Variants in HIF3A observed in about 807,000 individuals in gnomAD.
The protein encoded by HIF3A is hypoxia-inducible factor 3-alpha.
In HIF3A, 41 loss-of-function variants were observed where a neutral mutation model predicts 67.2. The observed-to-expected ratio is 0.61, with a 90% CI of 0.48 to 0.79. The LOEUF (loss-of-function observed/expected upper bound fraction) is 0.79. HIF3A is among the 30% of genes least tolerant of loss of function. The pLI is 0.00. For missense variants in HIF3A, 855 were observed against 898.0 expected (o/e 0.95, Z 0.61); for synonymous variants, 356 against 374.8 (o/e 0.95, Z 0.58).
chr19:46,298,433 A>C, intron 1 of HIF3A: 1 of 1,287,518 alleles, frequency 7.8e-7, no homozygotes. Flanking sequence ...CCCACTCGTA[A>C]CTCGCACCCG....
intron 14 of HIF3A, among the ~76,000 whole-genome samples, chr19:46,339,300 G>T (rs868401040): frequency 6.6e-6 from 1 of 152,086 alleles, no homozygotes; most frequent in Non-Finnish European, 1.5e-5. Context: ...CAAGACTTGC[G>T]TCAAAAATAA....
intron 1 of HIF3A, 38 bp from the exon 2 acceptor site, chr19:46,303,860 C>T (rs758588946): frequency 2.5e-5 from 39 of 1,587,916 alleles, no homozygotes; most frequent in African/African-American, 1.5e-4. Flanking sequence ...TTTTCTCTTT[C>T]CCGAGTCACC....
intron 3 of HIF3A, 38 bp downstream of exon 3, chr19:46,305,428 T>C (rs1467860051): frequency 6.3e-7 from 1 of 1,597,440 alleles, no homozygotes; most frequent in Non-Finnish European, 8.6e-7. Flanking sequence ...GGCCCTGTAC[T>C]GGTGATGCTG....
intron 2 of HIF3A, 180 bp downstream of exon 2, chr19:46,304,268 C>G (rs553388162): frequency 6.6e-6 from 4 of 603,632 alleles, no homozygotes; most frequent in East Asian, 2.8e-5. Context: ...GGCCCCGCCC[C>G]CTTTGAGTTC....
intron 9 of HIF3A, 129 bp from the exon 10 acceptor site, chr19:46,321,647 T>A (rs10411556): frequency 0.81 from 640,568 of 793,568 alleles, 261,828 homozygotes; most frequent in African/African-American, 0.87. Context: ...CCTTACCCTC[T>A]CACTAAGAAC....
chr19:46,341,458 C>A lies in HIF3A; in HGVS notation c.*1836C>A, dbSNP rs567233762. On this transcript the variant is annotated 3_prime_UTR_variant, in exon 15 of 15. Coordinates refer to ENST00000377670, the MANE Select transcript of HIF3A (RefSeq NM_152795.4). Reference sequence around the variant, plus strand: ...CAACTGATCCACCCGCCTCAGCCTCCCAAAGTGCTGAAATTACAGGAGTGA... The same window carrying A: ...CAACTGATCCACCCGCCTCAGCCTCACAAAGTGCTGAAATTACAGGAGTGA... The A allele has an allele frequency of 4.6e-5, 7 of 152,116 alleles. No individual in the cohort carries two copies. The South Asian group carries it at 1.5e-3, about 32-fold the overall frequency. The allele number at this position is 152,116 out of a possible 1,614,324, so 9.4% of individuals were successfully genotyped here. A position where few individuals can be genotyped will look rare whatever the true frequency, so the allele number is the denominator to read the frequency against.
chr19:46,298,374 C>A, intron 1 of HIF3A: 1 of 1,280,718 alleles, frequency 7.8e-7, no homozygotes, highest in Non-Finnish European at 1.0e-6. Context: ...CCCCCCCTCC[C>A]CACCCAAGGC....
At chr19:46,304,249 C>A in intron 2 of HIF3A, 161 bp downstream of exon 2, 1 of 628,678 alleles carries the variant, frequency 1.6e-6, no homozygotes, top group Non-Finnish European at 2.8e-6. Context: ...GAATCGACTT[C>A]CCCGGGGAGG....
chr19:46,298,414 C>T (rs1219641368), intron 1 of HIF3A: 2 of 1,288,640 alleles, frequency 1.6e-6, no homozygotes, highest in African/African-American at 3.0e-5. Context: ...CATCTCACCG[C>T]CGTGCGCACC....
chr19:46,299,222 G>A (rs1400768685), intron 1 of HIF3A, among the ~76,000 whole-genome samples: 1 of 152,210 alleles, frequency 6.6e-6, no homozygotes, highest in African/African-American at 2.4e-5. Context: ...CAGCTGGGGC[G>A]ATCTGGAGGC....
At chr19:46,315,482 A>G (rs988266928) in intron 8 of HIF3A, among the ~76,000 whole-genome samples, 1 of 149,562 alleles carries the variant, frequency 6.7e-6, no homozygotes, top group Non-Finnish European at 1.5e-5. Context: ...GCTGTTTCCA[A>G]GTTTGGGTGA....
In HIF3A at chr19:46,305,132, G is replaced by A. The variant is rs1290811803; in HGVS notation, c.218-113G>A. 4.9e-6 allele frequency: 7 copies of A among 1,426,804 alleles called. No individual in the cohort carries two copies. In the East Asian group the frequency reaches 6.8e-5, roughly 14 times the overall value. 88.4% of individuals were successfully genotyped at this position (1,426,804 alleles called of 1,614,324 possible). A position where few individuals can be genotyped will look rare whatever the true frequency, so the allele number is the denominator to read the frequency against. On this transcript the variant is annotated intron_variant, in intron 2 of 14. Transcript: ENST00000377670. ...GATGTACCCCCACTTCCTTGGGGGT[G>A]CATGTAAGTTTCTCTGAATGAGGAA... is the stretch of plus-strand genomic sequence containing the variant.
chr19:46,307,983 CAGACAGACAGACAGACAGATAGAT>C (rs906425158), intron 3 of HIF3A, among the ~76,000 whole-genome samples: 41 of 107,634 alleles, frequency 3.8e-4, no homozygotes, highest in Non-Finnish European at 7.4e-4. Flanking sequence ...GACAGACAGA[CAGACAGACAGACAGACAGATAGAT>C]AGATAGATAG....
chr19:46,327,077 C>A (rs2147264033), intron 11 of HIF3A, among the ~76,000 whole-genome samples: 1 of 152,172 alleles, frequency 6.6e-6, no homozygotes, highest in South Asian at 2.1e-4. Context: ...ATCACTTGAA[C>A]CAGGGAGGCA....
chr19:46,298,651 G>C, intron 1 of HIF3A: 2 of 557,038 alleles, frequency 3.6e-6, no homozygotes. Context: ...CAGTGAGGTA[G>C]TATTCCCGGA....
In HIF3A at chr19:46,312,561, T is replaced by C. The variant is rs778709583; in HGVS notation, c.933T>C (p.Gly311=). ...TGQYRFLARS[G]GYLWTQTQAT... is the part of the protein sequence containing the mutation. ...AGTATCGCTTCCTGGCCCGGAGTGG[T>C]GGCTACCTGTGGACCCAGACCCAGG... Residue 311 remains glycine, a synonymous_variant, in exon 8 of 15, where the codon GGT becomes GGC. Coordinates refer to ENST00000377670, the MANE Select transcript of HIF3A (RefSeq NM_152795.4). 13 of 1,613,098 alleles carry C rather than the reference T, an allele frequency of 8.1e-6. No homozygotes were observed. The South Asian group carries it at 1.4e-4, about 18-fold the overall frequency.
intron 2 of HIF3A, 116 bp from the exon 3 acceptor site, chr19:46,305,129 G>A: frequency 1.4e-6 from 2 of 1,428,640 alleles, no homozygotes; most frequent in Non-Finnish European, 2.0e-6. Context: ...CTTCCTTGGG[G>A]GTGCATGTAA....
Position 46,331,231 on chromosome 19 carries a change from C to T in HIF3A, c.1788C>T (p.Pro596=). The change falls in exon 13 of 15, where the codon CCC becomes CCT. Residue 596 remains proline (P), a synonymous_variant. Transcript: ENST00000377670. The part of the protein sequence containing the change: ...LLGVRPPKRS[P]SPEHENFLLF... ...GAGTGAGACCTCCCAAAAGGTCCCC[C>T]AGCCCAGAACACGAAAACTTTCTGC... is the stretch of plus-strand genomic sequence containing the variant. 2 of 1,614,038 alleles carry T rather than the reference C, an allele frequency of 1.2e-6. No homozygotes were observed. Among genetic ancestry groups the T allele is most frequent in the South Asian group, 2.2e-5 (2 of 91,084 alleles).
chr19:46,339,937 A>AT lies in HIF3A; in HGVS notation c.*319dup, dbSNP rs1026959354. ...CCCTTTCTCTGCCTCTCTTGGCTTT[A>AT]TTTTGGGGAATCAGGGGTGAGGAGG... On this transcript the variant is annotated 3_prime_UTR_variant, in exon 15 of 15. Coordinates refer to ENST00000377670, the MANE Select transcript of HIF3A (RefSeq NM_152795.4). The AT allele has an allele frequency of 5.6e-5, 16 of 285,926 alleles. No homozygotes were observed. Among genetic ancestry groups the AT allele is most frequent in the Non-Finnish European group, 9.7e-5 (15 of 155,178 alleles). 17.7% of individuals were successfully genotyped at this position (285,926 alleles called of 1,614,324 possible). A position where few individuals can be genotyped will look rare whatever the true frequency, so the allele number is the denominator to read the frequency against.
Sources: gnomAD v4.1 joint callset for allele counts (sites outside exome capture counted in the v4.1 genomes callset) on GRCh38, gnomAD v4.1.1 for gene constraint, MANE v1.5 for transcripts, NCBI Gene and HGNC (gene_info 2026-07-23, HGNC 2026-07-21) for gene names.